The following TXNDC5 variants were observed in gnomAD, a reference collection of about 807,000 sequenced individuals.
The protein encoded by TXNDC5 is thioredoxin domain containing 5.
TXNDC5 carries 44 observed loss-of-function variants against 52.6 expected under a neutral mutation model. The ratio of observed to expected loss-of-function variants is 0.84; its 90% CI spans 0.66 to 1.08. The LOEUF is 1.08. Among genes scored for constraint, TXNDC5 ranks in the 50% least tolerant of loss-of-function variants. TXNDC5 has a pLI of 0.00. For missense variants in TXNDC5, 600 were observed against 565.5 expected (o/e 1.06, Z -0.62); for synonymous variants, 241 against 234.4 (o/e 1.03, Z -0.26).
chr6:7,909,860 C>A (rs1760855724), intron 1 of TXNDC5: 1 of 985,920 alleles, frequency 1.0e-6, no homozygotes, highest in Non-Finnish European at 1.2e-6. Flanking sequence ...GGGGACGTGC[C>A]CGCAGTCTGT....
chr6:7,903,219 T>C lies in TXNDC5; in HGVS notation c.413+1355A>G, dbSNP rs562640981. Among the ~76,000 whole-genome samples, 94 of 152,370 alleles carry C rather than the reference T, an allele frequency of 6.2e-4. 1 individual carries two copies. The highest frequency in any genetic ancestry group is 3.4e-3 in the Middle Eastern group (1 of 294). On this transcript the variant is annotated intron_variant, in intron 2 of 9. Coordinates refer to ENST00000379757, the MANE Select transcript of TXNDC5 (RefSeq NM_030810.5). ...CACTACCTGCTTCTTTGGGATGCTC[T>C]TGATCCATACTTTCAATGCAATACT...
chr6:7,884,530 G>T, intron 8 of TXNDC5, 42 bp from the exon 9 acceptor site: 2 of 1,612,440 alleles, frequency 1.2e-6, no homozygotes, highest in South Asian at 2.2e-5. Context: ...ATCCTGGGTC[G>T]AGATCATTCA....
intron 9 of TXNDC5, 99 bp from the exon 10 acceptor site, chr6:7,883,365 GA>G (rs1662050369): frequency 3.9e-6 from 6 of 1,556,104 alleles, no homozygotes; most frequent in Non-Finnish European, 5.2e-6. Context: ...GTTGTGGCTG[GA>G]AAAATTCTGT....
At chr6:7,902,137 G>A (rs1183785870) in intron 2 of TXNDC5, among the ~76,000 whole-genome samples, 2 of 152,168 alleles carry the variant, frequency 1.3e-5, no homozygotes, top group East Asian at 1.9e-4. Context: ...GAGCCAGGAC[G>A]AGGCAAGGGA....
intron 5 of TXNDC5, among the ~76,000 whole-genome samples, chr6:7,890,513 G>A (rs964069897): frequency 6.6e-6 from 1 of 151,980 alleles, no homozygotes; most frequent in Non-Finnish European, 1.5e-5. Context: ...GATCCTCTAT[G>A]GATATAAACC....
intron 4 of TXNDC5, 44 bp downstream of exon 4, chr6:7,895,062 A>G (rs2113344139): frequency 5.0e-6 from 8 of 1,599,430 alleles, no homozygotes; most frequent in Non-Finnish European, 6.8e-6. Flanking sequence ...ACGCCAAGGA[A>G]TAATAGTGAT....
intron 1 of TXNDC5, chr6:7,909,850 G>A (rs936673091): frequency 7.1e-6 from 7 of 985,948 alleles, no homozygotes; most frequent in African/African-American, 5.2e-5. Context: ...GCCTCTGGAA[G>A]GGGACGTGCC....
intron 6 of TXNDC5, chr6:7,889,184 C>G (rs1760109703): frequency 4.5e-6 from 2 of 443,824 alleles, no homozygotes; most frequent in Non-Finnish European, 8.0e-6. Context: ...AGAACCGGAC[C>G]AAGTGCAAGC....
chr6:7,882,925 G>A lies in TXNDC5; in HGVS notation c.*219C>T. On this transcript the variant is annotated 3_prime_UTR_variant, in exon 10 of 10. Coordinates refer to ENST00000379757, the MANE Select transcript of TXNDC5 (RefSeq NM_030810.5). Reference sequence around the variant, plus strand: ...TATCGCCACTGAAAATGTTTACACAGTGACCATGAGTTACACATTTACTTA... The same window carrying A: ...TATCGCCACTGAAAATGTTTACACAATGACCATGAGTTACACATTTACTTA... 1.9e-6 allele frequency: 1 copy of A among 533,758 alleles called. No homozygotes were observed. The highest frequency in any genetic ancestry group is 3.2e-6 in the Non-Finnish European group (1 of 310,984). The allele number at this position is 533,758 out of a possible 1,614,324, so 33.1% of individuals were successfully genotyped here.
At chr6:7,897,577 G>T (rs1401254622) in intron 3 of TXNDC5, among the ~76,000 whole-genome samples, 4 of 152,164 alleles carry the variant, frequency 2.6e-5, no homozygotes, top group Non-Finnish European at 5.9e-5. Flanking sequence ...GTGGTTCTGG[G>T]GTGGCATGGG....
rs35535516 is a variant in TXNDC5 at position 7,900,954 on chromosome 6, C to CAA, written c.414-1275_414-1274dup. Among the ~76,000 whole-genome samples, 73 of 150,702 alleles carry CAA rather than the reference C, an allele frequency of 4.8e-4. 1 individual carries two copies. The East Asian group carries it at 7.4e-3, about 15-fold the overall frequency. On this transcript the variant is annotated intron_variant, in intron 2 of 9. Transcript: ENST00000379757. ...TGCTGGGGTACACACACATTCAGTC[C>CAA]AAAAAAAAATGGCTAATTCTCCTTA...
chr6:7,882,119 G>A lies in TXNDC5; in HGVS notation c.*1025C>T, dbSNP rs574795729. On this transcript the variant is annotated 3_prime_UTR_variant, in exon 10 of 10. Transcript: ENST00000379757. ...CCCATTCTTCATACATTAGAAGGTC[G>A]ACCTCCTTGAAGCAGACCAAGTATA... 5.9e-5 allele frequency: 9 copies of A among 152,710 alleles called. No individual in the cohort carries two copies. Among genetic ancestry groups the A allele is most frequent in the African/African-American group, 1.4e-4 (6 of 41,546 alleles). 9.5% of individuals were successfully genotyped at this position (152,710 alleles called of 1,614,324 possible).
rs1455207941 is a variant in TXNDC5, at chr6:7,881,985, A to C, written c.*1159T>G. On this transcript the variant is annotated 3_prime_UTR_variant, in exon 10 of 10. Transcript: ENST00000379757. ...AAGGGAGATAGAGGTGTTTAATCACAAGGACAGCATGAGTTAGAGGACACT... is the reference window on the plus strand; with the variant it reads ...AAGGGAGATAGAGGTGTTTAATCACCAGGACAGCATGAGTTAGAGGACACT... The C allele has an allele frequency of 6.5e-6, 1 of 152,702 alleles. No individual in the cohort carries two copies. 9.5% of individuals were successfully genotyped at this position (152,702 alleles called of 1,614,324 possible). A position where few individuals can be genotyped will look rare whatever the true frequency, so the allele number is the denominator to read the frequency against.
chr6:7,909,802 G>A, intron 1 of TXNDC5: 1 of 986,028 alleles, frequency 1.0e-6, no homozygotes, highest in Non-Finnish European at 1.2e-6. Context: ...GCACAAAGTG[G>A]GAAACCACAC....
At chr6:7,888,040 A>T (rs905563169) in intron 7 of TXNDC5, among the ~76,000 whole-genome samples, 4 of 152,064 alleles carry the variant, frequency 2.6e-5, no homozygotes, top group Admixed American at 2.0e-4. Flanking sequence ...TCTTCTCACC[A>T]TTTGCCTCAG....
At position 7,883,233 on chromosome 6, in the gene TXNDC5, C is replaced by T; in HGVS notation, c.1210G>A (p.Gly404Arg). The change falls in exon 10 of 10, where the codon GGA becomes AGA. Residue 404 changes from glycine to arginine, a missense_variant. By Grantham distance (125) the Gly-to-Arg change is moderately radical. Coordinates refer to ENST00000379757, the MANE Select transcript of TXNDC5 (RefSeq NM_030810.5). ...CTGTGCTCACTGACTTTCTTCCCTC[C>T]TCGGAAAAGCAATAACGTGGGGTAG... ...RGYPTLLLFR[G>R]GKKVSEHSGG... The T allele has an allele frequency of 6.2e-7, 1 of 1,614,176 alleles. No individual in the cohort carries two copies. The highest frequency in any genetic ancestry group is 2.2e-5 in the East Asian group (1 of 44,882).
At chr6:7,903,335 T>C (rs147319387) in intron 2 of TXNDC5, among the ~76,000 whole-genome samples, 30 of 152,372 alleles carry the variant, frequency 2.0e-4, no homozygotes, top group South Asian at 1.0e-3. Context: ...ACCCAAATTA[T>C]GGCACTTACA....
In TXNDC5 at chr6:7,891,699, A is replaced by T; in HGVS notation, c.654T>A (p.Gly218=). 1 of 1,613,922 alleles carries T rather than the reference A, an allele frequency of 6.2e-7. No individual in the cohort carries two copies. Among genetic ancestry groups the T allele is most frequent in the East Asian group, 2.2e-5 (1 of 44,876 alleles). The change falls in exon 5 of 10, where the codon GGT becomes GGA. Residue 218 remains glycine, a synonymous_variant. Transcript: ENST00000379757. ...AGGTTGGAGCCAGGGCTTTGCAGTG[A>T]CCACACCACGGAGCGAAGAACTTGA... ...HFIKFFAPWC[G]HCKALAPTWE...
chr6:7,883,133 CA>C lies in TXNDC5; in HGVS notation c.*10del. The C allele has an allele frequency of 6.2e-7, 1 of 1,614,096 alleles. No individual in the cohort carries two copies. ...GGAGCTGGGCAGGAGAGGTGACCTC[CA>C]ACTGTGTTCCTAAAGTTCGTCTTTC... is the stretch of plus-strand genomic sequence containing the variant. On this transcript the variant is annotated 3_prime_UTR_variant, in exon 10 of 10. Transcript: ENST00000379757.
Sources: allele counts gnomAD v4.1 joint callset (sites outside exome capture counted in the v4.1 genomes callset), GRCh38; gene constraint gnomAD v4.1.1; transcripts MANE v1.5; gene names NCBI Gene and HGNC (gene_info 2026-07-23, HGNC 2026-07-21).